RAB17: variants seen among roughly 807,000 people sequenced by gnomAD.
RAB17 encodes the protein ras-related protein Rab-17.
A neutral mutation model predicts 19.3 loss-of-function variants in RAB17; 15 were observed. The observed-to-expected ratio is 0.78, with a 90% CI of 0.52 to 1.20. RAB17 has a LOEUF of 1.20. RAB17 is among the 50% of genes most tolerant of loss of function. RAB17 has a pLI of 0.00. For synonymous variants in RAB17, 110 were observed against 112.8 expected, an observed-to-expected ratio of 0.97 and a Z score of 0.16; for missense variants, 262 against 269.3, an observed-to-expected ratio of 0.97 and a Z score of 0.19.
In RAB17 at chr2:237,590,483, G is replaced by A. The variant is rs1345704246; in HGVS notation, c.-20C>T. 2.0e-5 allele frequency: 3 copies of A among 152,394 alleles called. No homozygotes were observed. The highest frequency in any genetic ancestry group is 4.4e-5 in the Non-Finnish European group (3 of 68,188). The allele number at this position is 152,394 out of a possible 1,614,324, so 9.4% of individuals were successfully genotyped here. On this transcript the variant is annotated 5_prime_UTR_variant, in exon 1 of 6. Transcript: ENST00000264601. ...ATGACTCACCTGTTCCCCAGGCCCG[G>A]TCACTTGCAGGGAGCTGAAGAGCCT...
chr2:237,585,463 AAC>A (rs2081342063), intron 2 of RAB17: 1 of 169,064 alleles, frequency 5.9e-6, no homozygotes, highest in Admixed American at 6.5e-5. Context: ...CTTTTTAAGA[AAC>A]ACAGAGAGAA....
At chr2:237,581,547 G>A (rs1006408497) in intron 2 of RAB17, among the ~76,000 whole-genome samples, 1 of 152,058 alleles carries the variant, frequency 6.6e-6, no homozygotes. Context: ...GAGCCACTGC[G>A]CCCAGCCTCT....
At position 237,590,672 on chromosome 2, in the gene RAB17, G is replaced by A. The variant is rs1471440935; in HGVS notation, c.-209C>T. On this transcript the variant is annotated 5_prime_UTR_variant, in exon 1 of 6. Coordinates refer to ENST00000264601, the MANE Select transcript of RAB17 (RefSeq NM_022449.4). ...TCAAGAGCAGCAGCCTCGGACCAGA[G>A]CAATGCCCACTGGACCCCAGCGCCA... 1 of 153,236 alleles carries A rather than the reference G, an allele frequency of 6.5e-6. No homozygotes were observed. The highest frequency in any genetic ancestry group is 2.4e-5 in the African/African-American group (1 of 41,472). 9.5% of individuals were successfully genotyped at this position (153,236 alleles called of 1,614,324 possible). A position where few individuals can be genotyped will look rare whatever the true frequency, so the allele number is the denominator to read the frequency against.
chr2:237,575,018 C>A lies in RAB17; in HGVS notation c.*1G>T. ...CCCACAGCCCCCAGGAGTGGCTGCA[C>A]CTAGTGGGCGCAGCATTTGGCCTGC... is the stretch of plus-strand genomic sequence containing the variant. On this transcript the variant is annotated 3_prime_UTR_variant, in exon 6 of 6. Coordinates refer to ENST00000264601, the MANE Select transcript of RAB17 (RefSeq NM_022449.4). The A allele has an allele frequency of 6.2e-7, 1 of 1,607,554 alleles. No individual in the cohort carries two copies. The highest frequency in any genetic ancestry group is 8.5e-7 in the Non-Finnish European group (1 of 1,176,308).
rs188015683 is a variant in RAB17, at chr2:237,583,209, G to A, written c.157+2789C>T. 4.1e-3 allele frequency among the ~76,000 whole-genome samples: 625 copies of A among 152,288 alleles called. 3 individuals carry two copies. Among genetic ancestry groups the A allele is most frequent in the Non-Finnish European group, 4.1e-3 (278 of 68,026 alleles). On this transcript the variant is annotated intron_variant, in intron 2 of 5. Transcript: ENST00000264601. ...AAAAATTAGCTGGCTATGGTGGTGC[G>A]CACCTGTGATAGCAGCTACTCTGGA...
Position 237,577,312 on chromosome 2 carries a change from A to T in RAB17, c.380T>A (p.Val127Glu). The T allele has an allele frequency of 1.2e-5, 19 of 1,613,904 alleles. No individual in the cohort carries two copies. The highest frequency in any genetic ancestry group is 1.6e-5 in the Non-Finnish European group (19 of 1,179,926). Reference sequence around the variant, plus strand: ...GTCCGTCTTGTTGCCCACCAGCATCACCAGGACTTCTCCTGGGTGCAGCTC... The same window carrying T: ...GTCCGTCTTGTTGCCCACCAGCATCTCCAGGACTTCTCCTGGGTGCAGCTC... ...EEELHPGEVL[V>E]MLVGNKTDLS... Residue 127 changes from valine (V) to glutamate (E), a missense_variant, in exon 4 of 6, where the codon GTG becomes GAG. Coordinates refer to ENST00000264601, the MANE Select transcript of RAB17 (RefSeq NM_022449.4).
Position 237,574,771 on chromosome 2 carries a change from G to T in RAB17, c.*248C>A. 1 of 1,152,590 alleles carries T rather than the reference G, an allele frequency of 8.7e-7. No individual in the cohort carries two copies. Among genetic ancestry groups the T allele is most frequent in the Non-Finnish European group, 1.2e-6 (1 of 853,402 alleles). 71.4% of individuals were successfully genotyped at this position (1,152,590 alleles called of 1,614,324 possible). A position where few individuals can be genotyped will look rare whatever the true frequency, so the allele number is the denominator to read the frequency against. ...CCACCGTCCAGGTGGAACAGGCACA[G>T]GCATCGGGGAATCAGATGGTATCAG... On this transcript the variant is annotated 3_prime_UTR_variant, in exon 6 of 6. Coordinates refer to ENST00000264601, the MANE Select transcript of RAB17 (RefSeq NM_022449.4).
At chr2:237,576,819 C>G (rs577277423) in intron 4 of RAB17, 1 of 444,412 alleles carries the variant, frequency 2.3e-6, no homozygotes, top group Non-Finnish European at 4.7e-6. Flanking sequence ...CACAGAAGCC[C>G]CTTCTGGGAA....
At chr2:237,578,298 G>T in intron 2 of RAB17, 143 bp from the exon 3 acceptor site, 1 of 757,186 alleles carries the variant, frequency 1.3e-6, no homozygotes, top group Non-Finnish European at 2.1e-6. Flanking sequence ...ATGGCCAGGA[G>T]GTTGAGCAAA....
intron 2 of RAB17, among the ~76,000 whole-genome samples, chr2:237,584,011 G>A (rs913882637): frequency 3.3e-5 from 5 of 151,180 alleles, no homozygotes; most frequent in Non-Finnish European, 5.9e-5. Context: ...CCCCTGAAGA[G>A]AGGGCAGGCA....
chr2:237,580,050 C>A (rs964287941), intron 2 of RAB17, among the ~76,000 whole-genome samples: 1 of 152,202 alleles, frequency 6.6e-6, no homozygotes, highest in Non-Finnish European at 1.5e-5. Flanking sequence ...ACAATGGTGC[C>A]AGAATGAAGA....
chr2:237,577,443 G>T, intron 3 of RAB17, 61 bp from the exon 4 acceptor site: 1 of 1,527,664 alleles, frequency 6.5e-7, no homozygotes, highest in East Asian at 2.3e-5. Flanking sequence ...TAGCTATTCC[G>T]GGAGGGGGAA....
At chr2:237,575,584 G>A (rs2081255680) in intron 4 of RAB17, 104 bp from the exon 5 acceptor site, 3 of 811,808 alleles carry the variant, frequency 3.7e-6, no homozygotes, top group Admixed American at 4.4e-5. Context: ...CAGCCGTGGA[G>A]CCCGCACTCC....
At chr2:237,590,406 G>GAC (rs113616450) in intron 1 of RAB17, 61 bp downstream of exon 1, 23 of 151,728 alleles carry the variant, frequency 1.5e-4, no homozygotes, top group African/African-American at 3.6e-4. Context: ...GAGAAGCAGA[G>GAC]ACACACACAC....
intron 4 of RAB17, among the ~76,000 whole-genome samples, chr2:237,576,263 C>A (rs1173841796): frequency 2.6e-5 from 4 of 152,186 alleles, no homozygotes; most frequent in Non-Finnish European, 5.9e-5. Flanking sequence ...GCATTTGTCC[C>A]CACTGAGCTC....
intron 2 of RAB17, among the ~76,000 whole-genome samples, chr2:237,583,501 C>G (rs1345977827): frequency 6.6e-6 from 1 of 152,200 alleles, no homozygotes; most frequent in Non-Finnish European, 1.5e-5. Context: ...GAAGGAGCTT[C>G]CACATTTCTA....
At position 237,575,114 on chromosome 2, in the gene RAB17, G is replaced by A. The variant is rs763825689; in HGVS notation, c.544C>T (p.Gln182Ter). The A allele has an allele frequency of 5.0e-6, 8 of 1,613,300 alleles. No homozygotes were observed. Among genetic ancestry groups the A allele is most frequent in the Non-Finnish European group, 6.8e-6 (8 of 1,179,758 alleles). ...VFNTVAQELL[Q>*]RSDEEGQALR... is the part of the protein sequence containing the mutation. ...GCCTGGCCCTCCTCGTCGCTTCTCT[G>A]CAGTAGCTCTTGGGCTGTGAACAGC... Residue 182 changes from glutamine (Q) to a stop codon, truncating the protein, a stop_gained, in exon 6 of 6, where the codon CAG becomes TAG. Coordinates refer to ENST00000264601, the MANE Select transcript of RAB17 (RefSeq NM_022449.4). LOFTEE classifies it low-confidence loss of function (END_TRUNC).
Position 237,574,821 on chromosome 2 carries a change from T to A in RAB17, c.*198A>T. The A allele has an allele frequency of 1.1e-6, 1 of 870,226 alleles. No homozygotes were observed. Among genetic ancestry groups the A allele is most frequent in the Non-Finnish European group, 1.7e-6 (1 of 598,068 alleles). 53.9% of individuals were successfully genotyped at this position (870,226 alleles called of 1,614,324 possible). ...GTGGGGATAGGGCACAGCACTTTCC[T>A]GGGAGCCATGTGACGCCAGATCTTC... On this transcript the variant is annotated 3_prime_UTR_variant, in exon 6 of 6. Transcript: ENST00000264601.
At chr2:237,575,249 G>A in intron 5 of RAB17, 121 bp from the exon 6 acceptor site, 1 of 1,034,082 alleles carries the variant, frequency 9.7e-7, no homozygotes. Context: ...ATAGAACAAG[G>A]GCCTCCTGCC....
Sources: allele counts gnomAD v4.1 joint callset (sites outside exome capture counted in the v4.1 genomes callset), GRCh38; gene constraint gnomAD v4.1.1; transcripts MANE v1.5; gene names NCBI Gene and HGNC (gene_info 2026-07-23, HGNC 2026-07-21).